The following MMP26 variants were observed in gnomAD, a reference collection of about 807,000 sequenced individuals.
MMP26 encodes matrix metallopeptidase 26, also known as matrix metalloproteinase-26.
MMP26 carries 33 observed loss-of-function variants against 31.0 expected under a neutral mutation model. That is an observed-to-expected ratio of 1.06 (90% CI 0.81 to 1.42). The LOEUF (loss-of-function observed/expected upper bound fraction) is 1.42. Ranked by LOEUF, MMP26 falls within the 40% of genes most tolerant of loss-of-function variation. MMP26 has a pLI of 0.00. For missense variants in MMP26, 347 were observed against 316.1 expected (o/e 1.10, Z -0.74); for synonymous variants, 122 against 114.9 (o/e 1.06, Z -0.40).
chr11:4,779,491 A>G (rs1418138961), intron 2 of MMP26, among the ~76,000 whole-genome samples: 1 of 152,062 alleles, frequency 6.6e-6, no homozygotes, highest in East Asian at 1.9e-4. Context: ...GGACTCACAA[A>G]ATAAGTTGGG....
intron 2 of MMP26, among the ~76,000 whole-genome samples, chr11:4,935,754 A>G (rs1851430586): frequency 6.7e-6 from 1 of 150,348 alleles, no homozygotes; most frequent in African/African-American, 2.4e-5. Flanking sequence ...ACGTCCCATC[A>G]ATACCTAATT....
intron 2 of MMP26, among the ~76,000 whole-genome samples, chr11:4,926,918 G>T (rs12282387): frequency 0.024 from 3,604 of 152,244 alleles, 152 homozygotes; most frequent in African/African-American, 0.082. Flanking sequence ...AAAAAGAGAT[G>T]AAATGCAATA....
chr11:4,884,255 G>T (rs542599358), intron 2 of MMP26, among the ~76,000 whole-genome samples: 1 of 152,200 alleles, frequency 6.6e-6, no homozygotes, highest in South Asian at 2.1e-4. Flanking sequence ...GTCCTATAAA[G>T]TATGCAATTA....
At chr11:4,760,772 A>G (rs2133410383) in intron 1 of MMP26, among the ~76,000 whole-genome samples, 1 of 152,292 alleles carries the variant, frequency 6.6e-6, no homozygotes, top group South Asian at 2.1e-4. Flanking sequence ...AATCAAATTA[A>G]AAGGAAATGC....
chr11:4,846,456 T>C (rs1247363889), intron 2 of MMP26, among the ~76,000 whole-genome samples: 1 of 151,964 alleles, frequency 6.6e-6, no homozygotes, highest in African/African-American at 2.4e-5. Context: ...GTATAAAAAA[T>C]AATAGAAAGA....
intron 2 of MMP26, among the ~76,000 whole-genome samples, chr11:4,958,025 C>T (rs1846467539): frequency 6.6e-6 from 1 of 152,154 alleles, no homozygotes; most frequent in South Asian, 2.1e-4. Context: ...GAAAATTACT[C>T]CAAGGCCAGA....
chr11:4,771,711 A>C (rs1471075432), intron 2 of MMP26, among the ~76,000 whole-genome samples: 2 of 152,106 alleles, frequency 1.3e-5, no homozygotes, highest in Non-Finnish European at 2.9e-5. Flanking sequence ...GCAAGGATAC[A>C]AGTTACTGTT....
At chr11:4,916,023 G>T (rs1851084194) in intron 2 of MMP26, among the ~76,000 whole-genome samples, 1 of 152,094 alleles carries the variant, frequency 6.6e-6, no homozygotes, top group Admixed American at 6.5e-5. Flanking sequence ...CTCACCCAGT[G>T]GGATGCACCC....
rs946822868 is a variant in MMP26 at position 4,988,594 on chromosome 11, G to C, written c.99+284G>C. On this transcript the variant is annotated intron_variant, in intron 3 of 7. Transcript: ENST00000380390. ...TCTCACTTTCTTAGTCTTCTATATG[G>C]CATAGAGTGAACACTCCAGTATATA... Among the ~76,000 whole-genome samples, 30 of 151,914 alleles carry C rather than the reference G, an allele frequency of 2.0e-4. 1 individual carries two copies.
chr11:4,874,643 A>G (rs1850356122), intron 2 of MMP26, among the ~76,000 whole-genome samples: 1 of 151,830 alleles, frequency 6.6e-6, no homozygotes, highest in South Asian at 2.1e-4. Flanking sequence ...TGATAAATAC[A>G]AAGTTCAGAG....
In MMP26 at chr11:4,975,943, A is replaced by G. The variant is rs553992604; in HGVS notation, c.-144-12125A>G. On this transcript the variant is annotated intron_variant, in intron 2 of 7. Coordinates refer to ENST00000380390, the MANE Select transcript of MMP26 (RefSeq NM_021801.5). ...CCCTCCATATTCAACCCAGCTAATA[A>G]CTTTGAGCTTATACCAGCCCTCTTA... 5.3e-5 allele frequency among the ~76,000 whole-genome samples: 8 copies of G among 152,188 alleles called. No individual in the cohort carries two copies. The South Asian group carries it at 1.0e-3, about 20-fold the overall frequency.
chr11:4,833,300 G>A (rs754779271), intron 2 of MMP26, among the ~76,000 whole-genome samples: 10 of 152,142 alleles, frequency 6.6e-5, no homozygotes, highest in Non-Finnish European at 1.2e-4. Context: ...AAATCATTTT[G>A]TTGTTCTTTG....
chr11:4,784,969 C>T (rs973600922), intron 2 of MMP26, among the ~76,000 whole-genome samples: 15 of 152,164 alleles, frequency 9.9e-5, no homozygotes, highest in Admixed American at 7.2e-4. Flanking sequence ...TTTCACAAAA[C>T]ATCAATTTTG....
At chr11:4,914,920 G>A in intron 2 of MMP26, 1 of 1,614,106 alleles carries the variant, frequency 6.2e-7, no homozygotes, top group Non-Finnish European at 8.5e-7. Context: ...CACAGATGTG[G>A]GAAACACAGG....
At chr11:4,884,026 T>A (rs534173247) in intron 2 of MMP26, among the ~76,000 whole-genome samples, 2 of 152,272 alleles carry the variant, frequency 1.3e-5, no homozygotes, top group African/African-American at 2.4e-5. Flanking sequence ...ACCTCAGTTT[T>A]CTTTCAAGCT....
At chr11:4,724,701 T>G (rs4469888) in intron 1 of MMP26, among the ~76,000 whole-genome samples, 19,293 of 152,194 alleles carry the variant, frequency 0.13, 1,645 homozygotes, top group Middle Eastern at 0.2. Context: ...TATAAATGAA[T>G]CCAATAGAAC....
At chr11:4,986,757 T>A (rs1846896362) in intron 2 of MMP26, among the ~76,000 whole-genome samples, 1 of 151,644 alleles carries the variant, frequency 6.6e-6, no homozygotes, top group African/African-American at 2.4e-5. Context: ...GGTCTTGAAC[T>A]CCTGACCTCA....
At chr11:4,899,443 T>C (rs1850769883) in intron 2 of MMP26, among the ~76,000 whole-genome samples, 2 of 152,196 alleles carry the variant, frequency 1.3e-5, no homozygotes, top group African/African-American at 2.4e-5. Flanking sequence ...TAAATTCTTC[T>C]TTAGTAAAGA....
At chr11:4,866,998 A>C (rs148090941) in intron 2 of MMP26, among the ~76,000 whole-genome samples, 14 of 152,266 alleles carry the variant, frequency 9.2e-5, no homozygotes, top group Non-Finnish European at 1.3e-4. Flanking sequence ...AAACCTAGAC[A>C]ATACCATTCA....
Sources: allele counts gnomAD v4.1 joint callset (sites outside exome capture counted in the v4.1 genomes callset), GRCh38; gene constraint gnomAD v4.1.1; transcripts MANE v1.5; gene names NCBI Gene and HGNC (gene_info 2026-07-23, HGNC 2026-07-21).